The following TRIP4 variants were observed in gnomAD, a reference collection of about 807,000 sequenced individuals.
TRIP4 encodes the protein thyroid hormone receptor interactor 4.
Under a neutral mutation model 81.8 loss-of-function variants are expected in TRIP4, and 54 were observed. The ratio of observed to expected loss-of-function variants is 0.66; its 90% CI spans 0.53 to 0.83. TRIP4 has a LOEUF of 0.83. Ranked by LOEUF, TRIP4 falls within the 40% of genes least tolerant of loss-of-function variation. The probability of loss-of-function intolerance (pLI) is 0.00; values close to 1 mark genes in which losing one functional copy is unlikely to be tolerated. For synonymous variants in TRIP4, 270 were observed against 242.8 expected (o/e 1.11, Z -1.04); for missense variants, 662 against 683.6 (o/e 0.97, Z 0.35).
chr15:64,434,916 C>G (rs1007917711), intron 11 of TRIP4, among the ~76,000 whole-genome samples: 1 of 151,912 alleles, frequency 6.6e-6, no homozygotes, highest in Non-Finnish European at 1.5e-5. Context: ...AACTTATCTT[C>G]TAATTTAAGA....
intron 12 of TRIP4, among the ~76,000 whole-genome samples, chr15:64,451,805 C>G (rs1172948292): frequency 6.6e-6 from 1 of 151,442 alleles, no homozygotes; most frequent in African/African-American, 2.4e-5. Flanking sequence ...AGACACCCTC[C>G]ACCACGCCCA....
At chr15:64,445,824 C>G (rs541969832) in intron 12 of TRIP4, among the ~76,000 whole-genome samples, 2 of 152,100 alleles carry the variant, frequency 1.3e-5, no homozygotes, top group Non-Finnish European at 2.9e-5. Flanking sequence ...CATAGTAAGT[C>G]GCTCTAAACT....
chr15:64,409,329 G>A (rs1891707366), intron 6 of TRIP4, among the ~76,000 whole-genome samples: 1 of 152,182 alleles, frequency 6.6e-6, no homozygotes, highest in Non-Finnish European at 1.5e-5. Context: ...TGTCAAACTT[G>A]AACTCAGATG....
At chr15:64,432,140 C>T (rs1892292778) in intron 11 of TRIP4, among the ~76,000 whole-genome samples, 1 of 151,386 alleles carries the variant, frequency 6.6e-6, no homozygotes. Context: ...CTGCCTCGGC[C>T]TCCCAAAGTG....
chr15:64,398,321 A>G (rs991749221), intron 4 of TRIP4, among the ~76,000 whole-genome samples: 3 of 148,626 alleles, frequency 2.0e-5, no homozygotes, highest in Non-Finnish European at 4.4e-5. Context: ...TAGTCCCAAC[A>G]CTTTGGGAAG....
At chr15:64,399,444 AT>A (rs1048607120) in intron 4 of TRIP4, among the ~76,000 whole-genome samples, 10 of 152,218 alleles carry the variant, frequency 6.6e-5, no homozygotes, top group African/African-American at 2.4e-4. Flanking sequence ...GCTAGGAAGT[AT>A]TGTACAGTGT....
chr15:64,425,105 T>A (rs1467353614), intron 10 of TRIP4, among the ~76,000 whole-genome samples: 1 of 152,136 alleles, frequency 6.6e-6, no homozygotes, highest in East Asian at 1.9e-4. Flanking sequence ...CCTATTGATA[T>A]GGACTGGCTT....
chr15:64,436,385 AG>A (rs1440208128), intron 11 of TRIP4, among the ~76,000 whole-genome samples: 1 of 151,946 alleles, frequency 6.6e-6, no homozygotes, highest in Admixed American at 6.6e-5. Flanking sequence ...CGAGGTCAGG[AG>A]TTCAAGACCA....
At chr15:64,397,101 G>A (rs1378859406) in intron 3 of TRIP4, among the ~76,000 whole-genome samples, 1 of 152,022 alleles carries the variant, frequency 6.6e-6, no homozygotes, top group Non-Finnish European at 1.5e-5. Flanking sequence ...ATAGGATCTC[G>A]CTCTGTTGCC....
intron 12 of TRIP4, among the ~76,000 whole-genome samples, chr15:64,447,295 C>T (rs1397017283): frequency 6.6e-6 from 1 of 152,192 alleles, no homozygotes; most frequent in Admixed American, 6.5e-5. Context: ...ATGCATTGTC[C>T]TCACTGGTGC....
chr15:64,409,735 G>C lies in TRIP4; in HGVS notation c.950G>C (p.Arg317Pro). Residue 317 changes from arginine (R) to proline (P), a missense_variant, in exon 7 of 13, where the codon CGA becomes CCA. Coordinates refer to ENST00000261884, the MANE Select transcript of TRIP4 (RefSeq NM_016213.5). ...QKREEELREL[R>P]HASRLSKKVT... ...CGAGAGGAGGAGCTGAGAGAACTTCGACACGCCTCTCGACTTTCTAAGAAG... is the reference window on the plus strand; with the variant it reads ...CGAGAGGAGGAGCTGAGAGAACTTCCACACGCCTCTCGACTTTCTAAGAAG... 1 of 1,614,106 alleles carries C rather than the reference G, an allele frequency of 6.2e-7. No individual in the cohort carries two copies. The highest frequency in any genetic ancestry group is 8.5e-7 in the Non-Finnish European group (1 of 1,180,028).
chr15:64,400,419 C>T (rs1891468063), intron 4 of TRIP4, among the ~76,000 whole-genome samples: 1 of 151,568 alleles, frequency 6.6e-6, no homozygotes. Flanking sequence ...AGCAATCTGC[C>T]CACCTCAGCC....
At chr15:64,418,436 T>C (rs1314420016) in intron 8 of TRIP4, 105 bp from the exon 9 acceptor site, 3 of 1,246,230 alleles carry the variant, frequency 2.4e-6, no homozygotes. Context: ...CTAAGAAAAA[T>C]GTTCCCAATA....
chr15:64,438,436 C>T (rs1229183377), intron 11 of TRIP4, among the ~76,000 whole-genome samples: 2 of 152,226 alleles, frequency 1.3e-5, no homozygotes, highest in Non-Finnish European at 2.9e-5. Flanking sequence ...TCTCCTGCCT[C>T]AGCCTCCCAA....
At chr15:64,412,913 A>T (rs1188861027) in intron 7 of TRIP4, among the ~76,000 whole-genome samples, 1 of 152,168 alleles carries the variant, frequency 6.6e-6, no homozygotes, top group Non-Finnish European at 1.5e-5. Flanking sequence ...TTAGAGCCAG[A>T]TATCCAATGC....
chr15:64,424,289 GT>G, intron 10 of TRIP4, 134 bp downstream of exon 10: 1 of 1,261,704 alleles, frequency 7.9e-7, no homozygotes, highest in Non-Finnish European at 1.1e-6. Context: ...ATGTTTGTTT[GT>G]TTAGTGGTAA....
intron 5 of TRIP4, among the ~76,000 whole-genome samples, chr15:64,402,225 ATTT>A (rs759068935): frequency 7.0e-6 from 1 of 142,194 alleles, no homozygotes; most frequent in African/African-American, 2.6e-5. Flanking sequence ...GGTTAAGGAC[ATTT>A]TTTTTTTTTT....
At chr15:64,404,993 C>G (rs1891590668) in intron 5 of TRIP4, among the ~76,000 whole-genome samples, 1 of 150,896 alleles carries the variant, frequency 6.6e-6, no homozygotes, top group African/African-American at 2.4e-5. Context: ...GCCACCTAAC[C>G]CATTTTGGAT....
Position 64,424,175 on chromosome 15 carries a change from C to CT in TRIP4, c.1483+23dup. The CT allele has an allele frequency of 6.2e-7, 1 of 1,613,700 alleles. No homozygotes were observed. ...GGAAAGGTAACAGCCGCATATTCTC[C>CT]TTTCAATTTTACTTTATGGAGAGAA... On this transcript the variant is annotated intron_variant, in intron 10 of 12. Transcript: ENST00000261884.
Sources: gnomAD v4.1 joint callset for allele counts (sites outside exome capture counted in the v4.1 genomes callset) on GRCh38, gnomAD v4.1.1 for gene constraint, MANE v1.5 for transcripts, NCBI Gene and HGNC (gene_info 2026-07-23, HGNC 2026-07-21) for gene names.